Variants in GIT2 observed in about 807,000 individuals in gnomAD.
GIT2 encodes ARF GTPase-activating protein GIT2.
Under a neutral mutation model 100.3 loss-of-function variants are expected in GIT2, and 32 were observed. That is an observed-to-expected ratio of 0.32 (90% CI 0.24 to 0.43). The LOEUF (loss-of-function observed/expected upper bound fraction) is 0.43, where lower values mean the gene tolerates loss of function less well. GIT2 is among the 20% of genes least tolerant of loss of function. The probability of loss-of-function intolerance (pLI) is 1.00; values close to 1 mark genes in which losing one functional copy is unlikely to be tolerated. For missense variants in GIT2, 737 were observed against 975.1 expected (o/e 0.76, Z 3.25); for synonymous variants, 353 against 364.1 (o/e 0.97, Z 0.35).
intron 7 of GIT2, among the ~76,000 whole-genome samples, chr12:109,973,994 A>T (rs1884513171): frequency 6.6e-6 from 1 of 152,096 alleles, no homozygotes; most frequent in Non-Finnish European, 1.5e-5. Flanking sequence ...GTGAGCCAAG[A>T]TCACATCACT....
chr12:109,972,381 T>G (rs374866536), intron 7 of GIT2, among the ~76,000 whole-genome samples: 1 of 152,218 alleles, frequency 6.6e-6, no homozygotes, highest in Non-Finnish European at 1.5e-5. Context: ...TGAATGGATG[T>G]TGAAGTTTGT....
intron 2 of GIT2, among the ~76,000 whole-genome samples, chr12:109,990,191 A>G (rs2136951366): frequency 6.6e-6 from 1 of 152,354 alleles, no homozygotes; most frequent in East Asian, 1.9e-4. Flanking sequence ...AAACAACTAC[A>G]GTTTGATGTG....
chr12:109,980,289 G>A (rs1170845796), intron 7 of GIT2, among the ~76,000 whole-genome samples: 2 of 152,026 alleles, frequency 1.3e-5, no homozygotes, highest in African/African-American at 4.8e-5. Flanking sequence ...GGCTACTTTC[G>A]AATTCCTAGG....
At position 109,938,374 on chromosome 12, in the gene GIT2, G is replaced by C; in HGVS notation, c.2003+6C>G. ...CTCCCAAAGCAGGGTCTTCAATCCT[G>C]CTTACCTGTCATGTTTATTTTCTTG... On this transcript the variant is annotated splice_donor_region_variant and intron_variant, in intron 18 of 19. Transcript: ENST00000355312. 1.2e-6 allele frequency: 2 copies of C among 1,607,656 alleles called. No individual in the cohort carries two copies. Among genetic ancestry groups the C allele is most frequent in the Non-Finnish European group, 1.7e-6 (2 of 1,175,698 alleles).
chr12:109,956,395 C>T (rs1024300492), intron 12 of GIT2, among the ~76,000 whole-genome samples: 2 of 152,150 alleles, frequency 1.3e-5, no homozygotes, highest in Non-Finnish European at 2.9e-5. Context: ...TAACATGGCA[C>T]TAAATAGACC....
chr12:109,991,602 T>A (rs1362230332), intron 2 of GIT2, 25 bp downstream of exon 2: 1 of 1,587,554 alleles, frequency 6.3e-7, no homozygotes, highest in East Asian at 2.2e-5. Flanking sequence ...AATTACCAAC[T>A]GTCAGGAGAA....
Position 109,930,576 on chromosome 12 carries a change from A to G in GIT2, c.*2402T>C, listed in dbSNP as rs1412996429. ...AGAGAGGACGACCTGCAGCCCTCCA[A>G]TGGCCACGTCATTCCACCGGGGAAC... is the stretch of plus-strand genomic sequence containing the variant. On this transcript the variant is annotated 3_prime_UTR_variant, in exon 20 of 20. Transcript: ENST00000355312. The G allele has an allele frequency of 6.6e-6, 1 of 152,228 alleles. No homozygotes were observed. The highest frequency in any genetic ancestry group is 1.5e-5 in the Non-Finnish European group (1 of 68,048). 9.4% of individuals were successfully genotyped at this position (152,228 alleles called of 1,614,324 possible).
chr12:109,963,110 C>T (rs1881472710), intron 9 of GIT2, among the ~76,000 whole-genome samples: 1 of 152,080 alleles, frequency 6.6e-6, no homozygotes, highest in Admixed American at 6.6e-5. Flanking sequence ...TAAACGTCTA[C>T]AATTATGATT....
chr12:109,967,493 AT>A lies in GIT2; in HGVS notation c.728del (p.Asn243MetfsTer6). ...YLCGRKPDHK[N>X]GQHFIIPQMA... Reference sequence around the variant, plus strand: ...TTTGAGGTATTATAAAGTGCTGTCCATTTTTGTGATCTGAAACAGAAACCAA... The same window carrying A: ...TTTGAGGTATTATAAAGTGCTGTCCATTTTGTGATCTGAAACAGAAACCAA... On this transcript the variant is annotated frameshift_variant, in exon 8 of 20. Transcript: ENST00000355312. LOFTEE classifies it high-confidence loss of function. 2 of 1,602,520 alleles carry A rather than the reference AT, an allele frequency of 1.2e-6. No individual in the cohort carries two copies. The highest frequency in any genetic ancestry group is 1.7e-6 in the Non-Finnish European group (2 of 1,169,596).
chr12:109,936,134 A>T (rs1872901208), intron 18 of GIT2, among the ~76,000 whole-genome samples: 1 of 152,166 alleles, frequency 6.6e-6, no homozygotes. Flanking sequence ...ATGATAAATA[A>T]AAGCATCTTG....
At chr12:109,966,144 C>T (rs1242794307) in intron 8 of GIT2, among the ~76,000 whole-genome samples, 2 of 151,700 alleles carry the variant, frequency 1.3e-5, no homozygotes, top group Non-Finnish European at 2.9e-5. Context: ...TACAGGCACA[C>T]GCCACTGTGC....
At chr12:109,967,835 T>A (rs1040488922) in intron 7 of GIT2, among the ~76,000 whole-genome samples, 10 of 152,310 alleles carry the variant, frequency 6.6e-5, no homozygotes, top group African/African-American at 2.2e-4. Flanking sequence ...CAGGTGTCCA[T>A]CAGCCCACGG....
chr12:109,960,471 T>C (rs950467297), intron 11 of GIT2, among the ~76,000 whole-genome samples: 4 of 152,086 alleles, frequency 2.6e-5, no homozygotes, highest in East Asian at 3.9e-4. Flanking sequence ...TCCTAGCTAC[T>C]TGGGGAGGCT....
Position 109,962,759 on chromosome 12 carries a change from A to C in GIT2, c.817-1074T>G, listed in dbSNP as rs933565991. On this transcript the variant is annotated intron_variant, in intron 9 of 19. Coordinates refer to ENST00000355312, the MANE Select transcript of GIT2 (RefSeq NM_057169.5). This position sits in a 1 kb window ranked among gnomAD's most constrained non-coding sequence, Gnocchi z 4.3. ...TTATATTCCCTATTGGGTTCCTTAC[A>C]TCCACACATGGTACCTCACACTTTA... Among the ~76,000 whole-genome samples, 1 of 152,264 alleles carries C rather than the reference A, an allele frequency of 6.6e-6. No individual in the cohort carries two copies. Among genetic ancestry groups the C allele is most frequent in the African/African-American group, 2.4e-5 (1 of 41,470 alleles).
intron 6 of GIT2, chr12:109,981,813 C>T (rs542076395): frequency 6.6e-6 from 1 of 152,196 alleles, no homozygotes; most frequent in South Asian, 2.1e-4. Flanking sequence ...GGCTCTCGTC[C>T]AAGATCAAGT....
upstream of GIT2, among the ~76,000 whole-genome samples, chr12:109,999,968 T>A (rs1889863962): frequency 6.6e-6 from 1 of 152,196 alleles, no homozygotes; most frequent in African/African-American, 2.4e-5. The surrounding 1 kb of genome is among the most constrained non-coding windows in gnomAD (Gnocchi z 4.3). Context: ...ACGGGCTTTT[T>A]AAATATCTTC....
intron 8 of GIT2, among the ~76,000 whole-genome samples, chr12:109,965,947 C>T (rs1057038683): frequency 6.6e-6 from 1 of 150,968 alleles, no homozygotes; most frequent in African/African-American, 2.4e-5. Flanking sequence ...CGCCTATAAT[C>T]CCAGCACGTT....
rs1428087295 is a variant in GIT2 at position 109,932,578 on chromosome 12, ATTTTTTC to A, written c.*393_*399del. ...GCTTGGCAGGGAACAAATGACGCTG[ATTTTTTC>A]TTTTTTAACTGAACTCTCTCAAGAA... On this transcript the variant is annotated 3_prime_UTR_variant, in exon 20 of 20. Transcript: ENST00000355312. The A allele has an allele frequency of 5.8e-6, 1 of 171,196 alleles. No homozygotes were observed. The highest frequency in any genetic ancestry group is 5.8e-5 in the Admixed American group (1 of 17,268). The allele number at this position is 171,196 out of a possible 1,614,324, so 10.6% of individuals were successfully genotyped here.
chr12:109,963,126 C>A (rs1243323493), intron 9 of GIT2, among the ~76,000 whole-genome samples: 1 of 152,144 alleles, frequency 6.6e-6, no homozygotes, highest in African/African-American at 2.4e-5. Flanking sequence ...TGATTAAGTT[C>A]CAGTTTTAAA....
Sources: gnomAD v4.1 joint callset for allele counts (sites outside exome capture counted in the v4.1 genomes callset) on GRCh38, gnomAD v4.1.1 for gene constraint, Gnocchi (gnomAD v3.1) non-coding constraint, MANE v1.5 for transcripts, NCBI Gene and HGNC (gene_info 2026-07-23, HGNC 2026-07-21) for gene names.